The following TAF4 variants were observed in gnomAD, a reference collection of about 807,000 sequenced individuals.
TAF4 encodes transcription initiation factor TFIID subunit 4.
Under a neutral mutation model 90.3 loss-of-function variants are expected in TAF4, and 9 were observed. That is an observed-to-expected ratio of 0.10 (90% CI 0.06 to 0.17). The LOEUF is 0.17. Ranked by LOEUF, TAF4 falls within the 10% of genes least tolerant of loss-of-function variation. TAF4 has a pLI of 1.00. For synonymous variants in TAF4, 818 were observed against 638.9 expected (o/e 1.28, Z -4.23); for missense variants, 1,351 against 1,370.7 (o/e 0.99, Z 0.23).
At chr20:62,042,521 A>G (rs1482700872) in intron 1 of TAF4, among the ~76,000 whole-genome samples, 1 of 152,144 alleles carries the variant, frequency 6.6e-6, no homozygotes, top group Non-Finnish European at 1.5e-5. Context: ...CTGCTAAAAG[A>G]GCATTCATTG....
intron 1 of TAF4, among the ~76,000 whole-genome samples, chr20:62,021,497 C>G (rs111971125): frequency 6.6e-6 from 1 of 152,242 alleles, no homozygotes; most frequent in Non-Finnish European, 1.5e-5. Context: ...GCACTTGGCT[C>G]GACTCAAACA....
intron 1 of TAF4, among the ~76,000 whole-genome samples, chr20:62,057,509 C>CT (rs2034794569): frequency 1.3e-5 from 2 of 152,268 alleles, no homozygotes; most frequent in South Asian, 4.1e-4. Flanking sequence ...CCCTACCTGG[C>CT]TACGCTCCTC....
At chr20:61,980,652 A>C (rs1354812108) in intron 14 of TAF4, 1 of 152,294 alleles carries the variant, frequency 6.6e-6, no homozygotes. Flanking sequence ...GGGAGGCCGA[A>C]GACAACGTGG....
In TAF4 at chr20:61,976,130, C is replaced by T. The variant is rs368980072; in HGVS notation, c.*38G>A. The T allele has an allele frequency of 1.2e-4, 195 of 1,606,092 alleles. No homozygotes were observed. Among genetic ancestry groups the T allele is most frequent in the Middle Eastern group, 1.7e-4 (1 of 6,042 alleles). The stretch of plus-strand genomic sequence containing the variant: ...TTTGCTCGTTACAAAAAGGCGTAAT[C>T]TGCAAATATATAAAAAGTCCCCAGG... On this transcript the variant is annotated 3_prime_UTR_variant, in exon 15 of 15. Coordinates refer to ENST00000252996, the MANE Select transcript of TAF4 (RefSeq NM_003185.4).
intron 1 of TAF4, among the ~76,000 whole-genome samples, chr20:62,031,713 T>C (rs1405914007): frequency 6.6e-6 from 1 of 152,168 alleles, no homozygotes; most frequent in Non-Finnish European, 1.5e-5. Context: ...TGAGTACTTT[T>C]CTTAGTCACC....
Position 62,006,837 on chromosome 20 carries a change from A to C in TAF4, c.1975-79T>G, listed in dbSNP as rs535605096. The C allele has an allele frequency of 8.8e-5, 124 of 1,410,010 alleles. No individual in the cohort carries two copies. The East Asian group carries it at 3.2e-3, about 37-fold the overall frequency. 87.3% of individuals were successfully genotyped at this position (1,410,010 alleles called of 1,614,324 possible). A position where few individuals can be genotyped will look rare whatever the true frequency, so the allele number is the denominator to read the frequency against. ...CCTTGCTTAAAAATTCAGAAATATC[A>C]ACTTTTACAGAAAGCTTTTGAGCTA... On this transcript the variant is annotated intron_variant, in intron 6 of 14. Coordinates refer to ENST00000252996, the MANE Select transcript of TAF4 (RefSeq NM_003185.4). The surrounding 1 kb of genome is among the most constrained non-coding windows in gnomAD (Gnocchi z 7.0).
At chr20:62,003,920 G>C (rs377658055) in intron 7 of TAF4, 42 bp from the exon 8 acceptor site, 3 of 1,504,530 alleles carry the variant, frequency 2.0e-6, no homozygotes, top group African/African-American at 2.8e-5. Flanking sequence ...TGCTCCCCGA[G>C]GGCCAGGGGC....
At chr20:62,008,977 G>T in intron 5 of TAF4, 75 bp downstream of exon 5, 1 of 1,544,870 alleles carries the variant, frequency 6.5e-7, no homozygotes. Flanking sequence ...CCGGGCACAG[G>T]TCACAGCAGC....
chr20:61,984,186 G>A (rs938292421), intron 14 of TAF4, among the ~76,000 whole-genome samples: 2 of 152,048 alleles, frequency 1.3e-5, no homozygotes, highest in Admixed American at 1.3e-4. Flanking sequence ...CGCTCATCAC[G>A]TGCCTCAGCC....
chr20:61,997,103 T>TA (rs910711224), intron 14 of TAF4, among the ~76,000 whole-genome samples: 1 of 152,148 alleles, frequency 6.6e-6, no homozygotes, highest in Non-Finnish European at 1.5e-5. Context: ...GACTAAAAGA[T>TA]ACAACCACAA....
intron 5 of TAF4, 48 bp from the exon 6 acceptor site, chr20:62,007,684 C>A: frequency 6.5e-7 from 1 of 1,529,208 alleles, no homozygotes; most frequent in Non-Finnish European, 9.0e-7. Context: ...AGATTCCACA[C>A]ACACTTCTGA....
intron 14 of TAF4, among the ~76,000 whole-genome samples, chr20:61,984,293 G>A (rs972402619): frequency 2.6e-5 from 4 of 152,130 alleles, no homozygotes; most frequent in African/African-American, 9.7e-5. Context: ...TGTGAGGCTG[G>A]GGAAAGAGCT....
chr20:62,020,405 G>A (rs950531133), intron 1 of TAF4, among the ~76,000 whole-genome samples: 8 of 152,214 alleles, frequency 5.3e-5, no homozygotes, highest in East Asian at 1.9e-4. Context: ...GCCAGCCCAC[G>A]GGGACACAAG....
In TAF4 at chr20:62,006,221, C is replaced by T. The variant is rs1283912727; in HGVS notation, c.2223+289G>A. ...CTATCTACAAGATCCTCTAAAAGCA[C>T]GCTGCATTCATTTACACCAGTAACA... On this transcript the variant is annotated intron_variant, in intron 7 of 14. Transcript: ENST00000252996. This position sits in a 1 kb window ranked among gnomAD's most constrained non-coding sequence, Gnocchi z 7.0. 1 of 310,524 alleles carries T rather than the reference C, an allele frequency of 3.2e-6. No individual in the cohort carries two copies. The highest frequency in any genetic ancestry group is 5.8e-6 in the Non-Finnish European group (1 of 172,492). The allele number at this position is 310,524 out of a possible 1,614,324, so 19.2% of individuals were successfully genotyped here.
At chr20:62,062,412 T>G (rs1206943580) in intron 1 of TAF4, among the ~76,000 whole-genome samples, 7 of 152,186 alleles carry the variant, frequency 4.6e-5, no homozygotes, top group African/African-American at 9.6e-5. Flanking sequence ...TTTTTTTTTT[T>G]GCTTTGGTTA....
At chr20:62,034,655 TA>T in intron 1 of TAF4, among the ~76,000 whole-genome samples, 1 of 152,052 alleles carries the variant, frequency 6.6e-6, no homozygotes, top group East Asian at 1.9e-4. Context: ...AAAAAATACT[TA>T]AAATAGCAGC....
At chr20:62,037,887 C>G (rs762075822) in intron 1 of TAF4, 14 of 219,080 alleles carry the variant, frequency 6.4e-5, no homozygotes, top group Non-Finnish European at 9.6e-5. Flanking sequence ...TTAAAGTGAT[C>G]AAGAAGACCT....
rs543197419 is a variant in TAF4 at position 61,975,553 on chromosome 20, G to A, written c.*615C>T. On this transcript the variant is annotated 3_prime_UTR_variant, in exon 15 of 15. Coordinates refer to ENST00000252996, the MANE Select transcript of TAF4 (RefSeq NM_003185.4). ...AGAAGGAGCCACCTTTGCTGGGCTC[G>A]GCCTCTACCAAGCAGAAATGCGATT... 3.9e-5 allele frequency: 6 copies of A among 152,026 alleles called. No individual in the cohort carries two copies. The East Asian group carries it at 7.8e-4, about 20-fold the overall frequency. 9.4% of individuals were successfully genotyped at this position (152,026 alleles called of 1,614,324 possible).
rs1017733180 is a variant in TAF4 at position 62,006,170 on chromosome 20, C to T, written c.2223+340G>A. On this transcript the variant is annotated intron_variant, in intron 7 of 14. Coordinates refer to ENST00000252996, the MANE Select transcript of TAF4 (RefSeq NM_003185.4). The surrounding 1 kb of genome is among the most constrained non-coding windows in gnomAD (Gnocchi z 7.0). Reference sequence around the variant, plus strand: ...CAGGTGCCCGTGTCTTACGCTTGGACCGCTGCTCCTAATCCAAGAGAACAT... The same window carrying T: ...CAGGTGCCCGTGTCTTACGCTTGGATCGCTGCTCCTAATCCAAGAGAACAT... 5.2e-6 allele frequency: 1 copy of T among 192,404 alleles called. No individual in the cohort carries two copies. 11.9% of individuals were successfully genotyped at this position (192,404 alleles called of 1,614,324 possible).
Sources: gnomAD v4.1 joint callset for allele counts (sites outside exome capture counted in the v4.1 genomes callset) on GRCh38, gnomAD v4.1.1 for gene constraint, Gnocchi (gnomAD v3.1) non-coding constraint, MANE v1.5 for transcripts, NCBI Gene and HGNC (gene_info 2026-07-23, HGNC 2026-07-21) for gene names.